The following SLIT3 variants were observed in gnomAD, a reference collection of about 807,000 sequenced individuals.
SLIT3 encodes the protein slit homolog 3 protein.
Under a neutral mutation model 184.0 loss-of-function variants are expected in SLIT3, and 68 were observed. That is an observed-to-expected ratio of 0.37 (90% confidence interval 0.30 to 0.45). The LOEUF (loss-of-function observed/expected upper bound fraction) is 0.45. SLIT3 is among the 20% of genes least tolerant of loss of function. The pLI, the probability that SLIT3 is intolerant of heterozygous loss-of-function variation, is 1.00. For missense variants in SLIT3, 1,707 were observed against 2,026.0 expected (o/e 0.84, Z 3.02); for synonymous variants, 831 against 828.6 (o/e 1.00, Z -0.05).
intron 4 of SLIT3, among the ~76,000 whole-genome samples, chr5:168,937,724 A>G (rs1329233843): frequency 6.6e-6 from 1 of 152,180 alleles, no homozygotes; most frequent in Non-Finnish European, 1.5e-5. Flanking sequence ...CGGGTGAGCC[A>G]CATAGCTCTT....
intron 6 of SLIT3, among the ~76,000 whole-genome samples, chr5:168,832,265 G>A (rs1020124410): frequency 1.5e-4 from 23 of 152,224 alleles, no homozygotes; most frequent in Admixed American, 1.5e-3. Context: ...TTACTGGACA[G>A]GTGAGTTTGC....
At chr5:168,898,818 C>T (rs75708348) in intron 4 of SLIT3, among the ~76,000 whole-genome samples, 3 of 152,132 alleles carry the variant, frequency 2.0e-5, no homozygotes, top group Admixed American at 6.6e-5. Context: ...AACCTGCAAA[C>T]GCCCTCACTT....
intron 4 of SLIT3, among the ~76,000 whole-genome samples, chr5:169,080,277 T>C (rs1255915519): frequency 6.6e-6 from 1 of 152,144 alleles, no homozygotes; most frequent in Non-Finnish European, 1.5e-5. Flanking sequence ...TGACTCAAGT[T>C]TGGCTAAGGA....
chr5:168,685,544 G>T, intron 31 of SLIT3, 143 bp downstream of exon 31: 1 of 1,034,920 alleles, frequency 9.7e-7, no homozygotes. Flanking sequence ...CTCTCTGGAT[G>T]AGTTGGTCCA....
intron 1 of SLIT3, among the ~76,000 whole-genome samples, chr5:169,277,093 C>G (rs1469767154): frequency 6.6e-6 from 1 of 152,176 alleles, no homozygotes; most frequent in Admixed American, 6.5e-5. Context: ...CCCATCATAA[C>G]CTTTAATCTA....
chr5:168,990,104 G>C (rs1382483930), intron 4 of SLIT3, among the ~76,000 whole-genome samples: 2 of 152,114 alleles, frequency 1.3e-5, no homozygotes, highest in Admixed American at 1.3e-4. Flanking sequence ...AGAGAGGATG[G>C]GATTGTCTAA....
chr5:168,935,062 C>T (rs573760265), intron 4 of SLIT3, among the ~76,000 whole-genome samples: 8 of 145,358 alleles, frequency 5.5e-5, no homozygotes, highest in African/African-American at 2.0e-4. Context: ...TGTTTGAACC[C>T]GGGAGGTGGA....
At chr5:169,265,075 G>A (rs886367452) in intron 1 of SLIT3, among the ~76,000 whole-genome samples, 2 of 152,172 alleles carry the variant, frequency 1.3e-5, no homozygotes, top group African/African-American at 4.8e-5. Context: ...GAGGAGTATT[G>A]GGCATGGGGT....
chr5:168,741,410 G>A (rs761888496), intron 20 of SLIT3, among the ~76,000 whole-genome samples: 4 of 145,492 alleles, frequency 2.7e-5, no homozygotes, highest in Non-Finnish European at 5.9e-5. Context: ...GGCAGAGCTT[G>A]CAGTAAGCCG....
intron 2 of SLIT3, among the ~76,000 whole-genome samples, chr5:169,246,222 G>C (rs764083033): frequency 1.4e-4 from 22 of 152,178 alleles, no homozygotes; most frequent in Non-Finnish European, 2.6e-4. Flanking sequence ...GGTCAGGCGA[G>C]GGTCCCCAGC....
intron 3 of SLIT3, among the ~76,000 whole-genome samples, chr5:169,217,682 C>G (rs904500756): frequency 1.3e-5 from 2 of 152,132 alleles, no homozygotes; most frequent in Admixed American, 6.5e-5. Context: ...GGCAACGAAC[C>G]AGTAATTGCT....
intron 7 of SLIT3, among the ~76,000 whole-genome samples, chr5:168,819,155 TCTTCG>T (rs1757437486): frequency 1.3e-5 from 2 of 152,208 alleles, no homozygotes; most frequent in South Asian, 4.1e-4. Context: ...CACTGCTTGC[TCTTCG>T]CCTGGACTCT....
At chr5:169,123,882 A>T (rs1228299316) in intron 4 of SLIT3, among the ~76,000 whole-genome samples, 1 of 152,152 alleles carries the variant, frequency 6.6e-6, no homozygotes, top group Non-Finnish European at 1.5e-5. Context: ...AAAAACCATA[A>T]AGTGTGCTTA....
rs5873130 is a variant in SLIT3 at position 168,877,863 on chromosome 5, T to TAA, written c.485+5400_485+5401dup. 1.3e-4 allele frequency among the ~76,000 whole-genome samples: 20 copies of TAA among 151,268 alleles called. No individual in the cohort carries two copies. The East Asian group carries it at 2.9e-3, about 22-fold the overall frequency. On this transcript the variant is annotated intron_variant, in intron 5 of 35. Coordinates refer to ENST00000519560, the MANE Select transcript of SLIT3 (RefSeq NM_003062.4). ...GAGAAAGACAGGGCAAGGGGACATT[T>TAA]AAAAAAAAACAATCCCTACTGGTTT...
chr5:168,819,577 G>A (rs1757453204), intron 7 of SLIT3, among the ~76,000 whole-genome samples: 1 of 152,218 alleles, frequency 6.6e-6, no homozygotes, highest in African/African-American at 2.4e-5. Context: ...AGGAGCATGT[G>A]TGCATGTGGC....
intron 9 of SLIT3, among the ~76,000 whole-genome samples, chr5:168,797,784 A>G (rs1756618502): frequency 2.0e-5 from 3 of 152,212 alleles, no homozygotes; most frequent in Non-Finnish European, 4.4e-5. Context: ...CCCATTTTGC[A>G]GATGAGGAAA....
chr5:169,057,994 C>G (rs989819175), intron 4 of SLIT3, among the ~76,000 whole-genome samples: 5 of 152,310 alleles, frequency 3.3e-5, no homozygotes, highest in South Asian at 4.1e-4. Context: ...CCCAGGGACC[C>G]TGGTTGCTTG....
intron 4 of SLIT3, among the ~76,000 whole-genome samples, chr5:169,122,294 T>A (rs867291833): frequency 6.6e-6 from 1 of 152,190 alleles, no homozygotes; most frequent in Admixed American, 6.5e-5. Flanking sequence ...AGAATAACTA[T>A]TTGGTTGCTC....
intron 4 of SLIT3, among the ~76,000 whole-genome samples, chr5:168,919,026 T>C (rs764238859): frequency 1.3e-5 from 2 of 152,002 alleles, no homozygotes; most frequent in Non-Finnish European, 2.9e-5. Context: ...TTTGGGAGGC[T>C]GAGGCGGGTG....
Sources: allele counts gnomAD v4.1 joint callset (sites outside exome capture counted in the v4.1 genomes callset), GRCh38; gene constraint gnomAD v4.1.1; transcripts MANE v1.5; gene names NCBI Gene and HGNC (gene_info 2026-07-23, HGNC 2026-07-21).